ARRB1: variants seen among roughly 807,000 people sequenced by gnomAD.
ARRB1 encodes beta-arrestin-1.
In ARRB1, 21 loss-of-function variants were observed where a neutral mutation model predicts 56.8. That is an observed-to-expected ratio of 0.37 (90% confidence interval 0.26 to 0.53). ARRB1 has a LOEUF of 0.53. ARRB1 is among the 20% of genes least tolerant of loss of function. The probability of loss-of-function intolerance (pLI) is 0.88; values close to 1 mark genes in which losing one functional copy is unlikely to be tolerated. For missense variants in ARRB1, 424 were observed against 553.7 expected (o/e 0.77, Z 2.35); for synonymous variants, 210 against 218.6 (o/e 0.96, Z 0.35).
intron 1 of ARRB1, chr11:75,306,778 T>A: frequency 1.2e-6 from 1 of 861,660 alleles, no homozygotes; most frequent in Non-Finnish European, 1.6e-6. Flanking sequence ...CTGTTTCCTC[T>A]CCTCCTCCGG....
intron 1 of ARRB1, among the ~76,000 whole-genome samples, chr11:75,324,129 C>A (rs1947390687): frequency 2.0e-5 from 3 of 152,142 alleles, no homozygotes; most frequent in Admixed American, 2.0e-4. Flanking sequence ...GCTCTCTTCT[C>A]CTTGTCTAAT....
chr11:75,348,351 T>G (rs1947803050), intron 1 of ARRB1, among the ~76,000 whole-genome samples: 1 of 152,112 alleles, frequency 6.6e-6, no homozygotes, highest in African/African-American at 2.4e-5. Context: ...TGTACCATGC[T>G]CCCTGCCTGG....
At chr11:75,269,139 C>T (rs372489341) in intron 13 of ARRB1, 180 bp from the exon 14 acceptor site, 16 of 746,666 alleles carry the variant, frequency 2.1e-5, no homozygotes, top group Non-Finnish European at 3.1e-5. Flanking sequence ...GGGAGCTGGA[C>T]GAGGAGACTT....
At position 75,341,381 on chromosome 11, in the gene ARRB1, G is replaced by A. The variant is rs535383856; in HGVS notation, c.20+10207C>T. 7.2e-5 allele frequency among the ~76,000 whole-genome samples: 11 copies of A among 152,038 alleles called. No homozygotes were observed. In the South Asian group the frequency reaches 2.3e-3, roughly 32 times the overall value. On this transcript the variant is annotated intron_variant, in intron 1 of 15. Coordinates refer to ENST00000420843, the MANE Select transcript of ARRB1 (RefSeq NM_004041.5). ...TCGAACTCGTGACCTCAGGTCATCT[G>A]CCCACCTCAGCCTCCCAAGAGGCTG...
intron 1 of ARRB1, among the ~76,000 whole-genome samples, chr11:75,322,999 A>G (rs1240337677): frequency 3.9e-5 from 6 of 152,236 alleles, no homozygotes; most frequent in Non-Finnish European, 7.3e-5. Flanking sequence ...GAAGTGCTGT[A>G]TGTTTTGCTG....
chr11:75,339,800 G>T (rs537122681), intron 1 of ARRB1, among the ~76,000 whole-genome samples: 1 of 152,304 alleles, frequency 6.6e-6, no homozygotes, highest in Non-Finnish European at 1.5e-5. Flanking sequence ...CAGGGCCCGG[G>T]GTGTGGCACA....
chr11:75,334,504 A>G (rs1455580188), intron 1 of ARRB1, among the ~76,000 whole-genome samples: 1 of 152,116 alleles, frequency 6.6e-6, no homozygotes, highest in Non-Finnish European at 1.5e-5. Context: ...GACTATCCCA[A>G]TGAAAGGCAT....
intron 7 of ARRB1, among the ~76,000 whole-genome samples, chr11:75,280,595 G>T (rs567983831): frequency 6.6e-6 from 1 of 152,122 alleles, no homozygotes; most frequent in Non-Finnish European, 1.5e-5. Flanking sequence ...GATGTGGGCC[G>T]ACCTCCCTGT....
intron 6 of ARRB1, chr11:75,281,579 T>C (rs1309489127): frequency 8.9e-6 from 3 of 338,456 alleles, no homozygotes; most frequent in Non-Finnish European, 1.6e-5. Context: ...GGCTCAAAGC[T>C]CTGGAGCTAG....
chr11:75,267,918 C>T (rs550949313), intron 14 of ARRB1, among the ~76,000 whole-genome samples: 5 of 152,228 alleles, frequency 3.3e-5, no homozygotes, highest in Non-Finnish European at 7.4e-5. Flanking sequence ...GCCCCGGATC[C>T]CCACTGCAGC....
At chr11:75,296,490 G>T (rs960858002) in intron 1 of ARRB1, among the ~76,000 whole-genome samples, 3 of 151,938 alleles carry the variant, frequency 2.0e-5, no homozygotes, top group Admixed American at 2.0e-4. Flanking sequence ...TGCAGCATAG[G>T]GTACCTGTGG....
intron 2 of ARRB1, 85 bp from the exon 3 acceptor site, chr11:75,287,460 C>T (rs1475480670): frequency 1.4e-6 from 2 of 1,388,976 alleles, no homozygotes; most frequent in Non-Finnish European, 2.0e-6. Flanking sequence ...CTGCGGGCAG[C>T]CTCTGAAACT....
At chr11:75,283,907 G>A (rs1037978262) in intron 4 of ARRB1, among the ~76,000 whole-genome samples, 18 of 152,144 alleles carry the variant, frequency 1.2e-4, no homozygotes, top group Non-Finnish European at 2.9e-5. Context: ...AGCTCAGTCT[G>A]CACTCTTGTC....
intron 1 of ARRB1, among the ~76,000 whole-genome samples, chr11:75,293,233 T>C (rs963186140): frequency 6.6e-6 from 1 of 152,080 alleles, no homozygotes; most frequent in Non-Finnish European, 1.5e-5. Context: ...CATGCCATGC[T>C]CTAGACATGA....
intron 1 of ARRB1, among the ~76,000 whole-genome samples, chr11:75,305,779 A>G (rs550508834): frequency 6.6e-6 from 1 of 152,210 alleles, no homozygotes; most frequent in East Asian, 1.9e-4. Context: ...ACATACACAA[A>G]TACTAAACAG....
intron 1 of ARRB1, among the ~76,000 whole-genome samples, chr11:75,325,695 C>T (rs1947420382): frequency 6.6e-6 from 1 of 152,206 alleles, no homozygotes; most frequent in South Asian, 2.1e-4. Flanking sequence ...GACTAGTGAA[C>T]TCTGCGGCTC....
chr11:75,298,242 TAA>T (rs34770388), intron 1 of ARRB1, among the ~76,000 whole-genome samples: 133 of 135,414 alleles, frequency 9.8e-4, no homozygotes, highest in Admixed American at 9.6e-4. Flanking sequence ...AAAGTATAAT[TAA>T]AAAAAAAAAA....
At chr11:75,273,659 T>G (rs1946124291) in intron 11 of ARRB1, among the ~76,000 whole-genome samples, 1 of 149,642 alleles carries the variant, frequency 6.7e-6, no homozygotes, top group East Asian at 2.0e-4. Flanking sequence ...GCAGCAGGAG[T>G]GACCAGATGC....
intron 1 of ARRB1, among the ~76,000 whole-genome samples, chr11:75,330,102 TGTCAC>T (rs1947497137): frequency 6.6e-6 from 1 of 152,162 alleles, no homozygotes; most frequent in Admixed American, 6.5e-5. Flanking sequence ...ACGAACAATC[TGTCAC>T]TCATTTCCCA....
Sources: gnomAD v4.1 joint callset for allele counts (sites outside exome capture counted in the v4.1 genomes callset) on GRCh38, gnomAD v4.1.1 for gene constraint, MANE v1.5 for transcripts, NCBI Gene and HGNC (gene_info 2026-07-23, HGNC 2026-07-21) for gene names.